Variants in EPHX2 observed in about 807,000 individuals in gnomAD.
EPHX2 encodes epoxide hydrolase 2, also known as bifunctional epoxide hydrolase 2.
EPHX2 carries 74 observed loss-of-function variants against 78.7 expected under a neutral mutation model. The ratio of observed to expected loss-of-function variants is 0.94; its 90% CI spans 0.78 to 1.14. EPHX2 has a LOEUF of 1.14. EPHX2 is among the 50% of genes most tolerant of loss of function. The pLI is 0.00. For synonymous variants in EPHX2, 251 were observed against 255.2 expected (o/e 0.98, Z 0.16); for missense variants, 715 against 702.5 (o/e 1.02, Z -0.20).
In EPHX2 at chr8:27,525,095, T is replaced by C. The variant is rs1317319883; in HGVS notation, c.1059-267T>C. On this transcript the variant is annotated intron_variant, in intron 11 of 18. Transcript: ENST00000521400. ...GTGTGTGTGTGTGTGTGTGTGTGTG[T>C]GTGTGTGTGTGTGCGCGCGCGCGCG... Among the ~76,000 whole-genome samples the C allele has an allele frequency of 2.5e-3, 363 of 146,740 alleles. 1 individual carries two copies. The highest frequency in any genetic ancestry group is 2.9e-3 in the Non-Finnish European group (190 of 66,394).
chr8:27,541,855 G>A (rs1409181642), intron 16 of EPHX2, among the ~76,000 whole-genome samples: 5 of 152,114 alleles, frequency 3.3e-5, no homozygotes, highest in Admixed American at 1.3e-4. Flanking sequence ...AGATGGCCTG[G>A]GGCACCTCCC....
intron 12 of EPHX2, among the ~76,000 whole-genome samples, chr8:27,535,109 TAACTC>T (rs1166451147): frequency 2.0e-5 from 3 of 152,216 alleles, no homozygotes; most frequent in Admixed American, 6.5e-5. Context: ...TTGCCACACT[TAACTC>T]AATTCCCTCT....
intron 9 of EPHX2, among the ~76,000 whole-genome samples, chr8:27,520,641 G>A (rs537242569): frequency 3.9e-5 from 6 of 152,224 alleles, no homozygotes; most frequent in African/African-American, 1.4e-4. Flanking sequence ...GACTGTGCCC[G>A]GCTTAATCTC....
At position 27,511,819 on chromosome 8, in the gene EPHX2, A is replaced by G; in HGVS notation, c.661-17A>G. On this transcript the variant is annotated splice_polypyrimidine_tract_variant and intron_variant, in intron 5 of 18. Coordinates refer to ENST00000521400, the MANE Select transcript of EPHX2 (RefSeq NM_001979.6). ...AGGCTGCTGCTGTCTCTCTCACTATACCTTTCCTGCTTACAGCTTCTCAAT... is the reference window on the plus strand; with the variant it reads ...AGGCTGCTGCTGTCTCTCTCACTATGCCTTTCCTGCTTACAGCTTCTCAAT... 6.2e-7 allele frequency: 1 copy of G among 1,613,690 alleles called. No individual in the cohort carries two copies. Among genetic ancestry groups the G allele is most frequent in the South Asian group, 1.1e-5 (1 of 91,058 alleles).
chr8:27,539,528 T>C (rs2741355), intron 14 of EPHX2, among the ~76,000 whole-genome samples: 152,335 of 152,336 alleles, frequency 1, 76,167 homozygotes, highest in Middle Eastern at 1. Flanking sequence ...AAGAACATCT[T>C]CCTTCCCTCC....
chr8:27,522,212 G>T (rs560265369), intron 10 of EPHX2, among the ~76,000 whole-genome samples: 1 of 152,324 alleles, frequency 6.6e-6, no homozygotes, highest in African/African-American at 2.4e-5. Flanking sequence ...CTGTGGCCTT[G>T]GTCTCCTAAG....
intron 12 of EPHX2, among the ~76,000 whole-genome samples, chr8:27,529,713 C>G (rs7834902): frequency 0.32 from 47,899 of 151,618 alleles, 11,769 homozygotes; most frequent in African/African-American, 0.69. Flanking sequence ...AGGAGTTTGA[C>G]ACCAGCCTGG....
chr8:27,491,787 A>G (rs1348879390), intron 1 of EPHX2, among the ~76,000 whole-genome samples: 1 of 152,160 alleles, frequency 6.6e-6, no homozygotes, highest in Non-Finnish European at 1.5e-5. Flanking sequence ...CTGTTCTACT[A>G]CATGAAAAAA....
rs148480491 is a variant in EPHX2, at chr8:27,533,068, T to A, written c.1171-3716T>A. On this transcript the variant is annotated intron_variant, in intron 12 of 18. Coordinates refer to ENST00000521400, the MANE Select transcript of EPHX2 (RefSeq NM_001979.6). ...AGTTTGAGGATGTAGTAAGCCATGA[T>A]TGCACTACTGCACTCCAGCCTGGGC... Among the ~76,000 whole-genome samples, 108 of 152,218 alleles carry A rather than the reference T, an allele frequency of 7.1e-4. 4 individuals carry two copies. In the East Asian group the frequency reaches 0.019, roughly 26 times the overall value.
At chr8:27,512,097 C>T in intron 6 of EPHX2, 187 bp downstream of exon 6, 1 of 144,020 alleles carries the variant, frequency 6.9e-6, no homozygotes, top group Non-Finnish European at 1.2e-5. Context: ...AACCCTGTCT[C>T]AAGAAAAAAA....
rs1425575627 is a variant in EPHX2, at chr8:27,536,814, C to G, written c.1201C>G (p.Leu401Val). ...GVAEAELEQN[L>V]SRTFKSLFRA... ...GGCTGAGGCTGAACTGGAACAGAAC[C>G]TGAGTCGGACTTTCAAAAGCCTCTT... Residue 401 changes from leucine (L) to valine (V), a missense_variant, in exon 13 of 19, where the codon CTG (leucine) becomes GTG (valine). By Grantham distance (32) the Leu-to-Val change is conservative. Coordinates refer to ENST00000521400, the MANE Select transcript of EPHX2 (RefSeq NM_001979.6). 1 of 1,611,970 alleles carries G rather than the reference C, an allele frequency of 6.2e-7. No individual in the cohort carries two copies. Among genetic ancestry groups the G allele is most frequent in the East Asian group, 2.2e-5 (1 of 44,862 alleles).
intron 2 of EPHX2, among the ~76,000 whole-genome samples, chr8:27,501,336 C>CT (rs1442660529): frequency 9.5e-5 from 9 of 95,004 alleles, no homozygotes; most frequent in African/African-American, 4.4e-4. Flanking sequence ...TCTTCTTCTT[C>CT]TTCTTCTTCT....
chr8:27,540,670 A>T lies in EPHX2; in HGVS notation c.1379+14A>T. ...GTCTGGTTTCAGGTAAAGAGAGCAC[A>T]GGGCCCAGACACAGATGAGAGATGA... is the stretch of plus-strand genomic sequence containing the variant. On this transcript the variant is annotated intron_variant, in intron 15 of 18. Coordinates refer to ENST00000521400, the MANE Select transcript of EPHX2 (RefSeq NM_001979.6). The T allele has an allele frequency of 6.2e-7, 1 of 1,610,666 alleles. No homozygotes were observed. The highest frequency in any genetic ancestry group is 8.5e-7 in the Non-Finnish European group (1 of 1,176,914).
At chr8:27,504,895 T>A (rs766360129) in intron 3 of EPHX2, 61 bp from the exon 4 acceptor site, 4 of 1,572,182 alleles carry the variant, frequency 2.5e-6, no homozygotes, top group African/African-American at 1.3e-5. Flanking sequence ...CTTGGGGGTA[T>A]CTGGAGCATT....
At chr8:27,543,913 T>G in intron 17 of EPHX2, 84 bp downstream of exon 17, 1 of 1,408,170 alleles carries the variant, frequency 7.1e-7, no homozygotes, top group Non-Finnish European at 9.9e-7. Flanking sequence ...CAGCAGAAGA[T>G]ACACCTTGTC....
chr8:27,543,954 A>G lies in EPHX2; in HGVS notation c.1530+125A>G, dbSNP rs1815498742. On this transcript the variant is annotated intron_variant, in intron 17 of 18. Coordinates refer to ENST00000521400, the MANE Select transcript of EPHX2 (RefSeq NM_001979.6). Reference sequence around the variant, plus strand: ...GATAGGACCATGGTTGAAGCACATCATCAGTAACATCACTGTCCCCCCATT... The same window carrying G: ...GATAGGACCATGGTTGAAGCACATCGTCAGTAACATCACTGTCCCCCCATT... 2.9e-6 allele frequency: 3 copies of G among 1,042,146 alleles called. No individual in the cohort carries two copies. In the Admixed American group the frequency reaches 6.5e-5, roughly 22 times the overall value. 64.6% of individuals were successfully genotyped at this position (1,042,146 alleles called of 1,614,324 possible). A position where few individuals can be genotyped will look rare whatever the true frequency, so the allele number is the denominator to read the frequency against.
intron 4 of EPHX2, among the ~76,000 whole-genome samples, chr8:27,505,455 G>T (rs1813967633): frequency 6.6e-6 from 1 of 152,178 alleles, no homozygotes; most frequent in South Asian, 2.1e-4. Context: ...TGGGAGACTT[G>T]CAAGGCCACA....
intron 1 of EPHX2, among the ~76,000 whole-genome samples, chr8:27,495,311 T>C (rs1338915249): frequency 6.6e-6 from 1 of 152,246 alleles, no homozygotes; most frequent in Non-Finnish European, 1.5e-5. Flanking sequence ...TGCAGGTCCC[T>C]GGGGAAAGAG....
chr8:27,546,144 A>G (rs1055405182), downstream of EPHX2, among the ~76,000 whole-genome samples: 6 of 151,872 alleles, frequency 4.0e-5, no homozygotes, highest in Non-Finnish European at 8.8e-5. Context: ...AAAAAAAAAA[A>G]AGAGAAGTTC....
Sources: allele counts gnomAD v4.1 joint callset (sites outside exome capture counted in the v4.1 genomes callset), GRCh38; gene constraint gnomAD v4.1.1; transcripts MANE v1.5; gene names NCBI Gene and HGNC (gene_info 2026-07-23, HGNC 2026-07-21).